Variants in XYLT2 observed in about 807,000 individuals in gnomAD.
XYLT2 encodes the protein UDP-D-xylose:proteoglycan core protein beta-D-xylosyltransferase.
In XYLT2, 37 loss-of-function variants were observed where a neutral mutation model predicts 82.6. The observed-to-expected ratio is 0.45, with a 90% CI of 0.34 to 0.59. The LOEUF (loss-of-function observed/expected upper bound fraction) is 0.59, where lower values mean the gene tolerates loss of function less well. XYLT2 is among the 20% of genes least tolerant of loss of function. The pLI, the probability that XYLT2 is intolerant of heterozygous loss-of-function variation, is 0.01. For missense variants in XYLT2, 934 were observed against 1,181.3 expected, an observed-to-expected ratio of 0.79 and a Z score of 3.07; for synonymous variants, 474 against 499.0, an observed-to-expected ratio of 0.95 and a Z score of 0.67.
rs1168890570 is a variant in XYLT2 at position 50,358,255 on chromosome 17, G to A, written c.1990G>A (p.Gly664Arg). Residue 664 changes from glycine to arginine, a missense_variant, in exon 10 of 11, where the codon GGG (glycine) becomes AGG (arginine). Transcript: ENST00000017003. ...AGAGCGTCTTTTCCGGAACTTTGGG[G>A]GGTTACTGGGGCCGCTGGACGAGCC... is the stretch of plus-strand genomic sequence containing the variant. ...PKERLFRNFGGLLGPLDEPVA... is the reference protein window; with the variant it reads ...PKERLFRNFGRLLGPLDEPVA... 1.9e-6 allele frequency: 3 copies of A among 1,612,188 alleles called. No homozygotes were observed. The highest frequency in any genetic ancestry group is 2.5e-6 in the Non-Finnish European group (3 of 1,179,088).
intron 10 of XYLT2, 35 bp from the exon 11 acceptor site, chr17:50,359,934 A>AG (rs760123014): frequency 7.2e-6 from 11 of 1,517,500 alleles, no homozygotes; most frequent in South Asian, 1.3e-5. Context: ...AGTCTGTTGC[A>AG]GGGGGTGTGC....
At chr17:50,359,722 A>G in intron 10 of XYLT2, 1 of 521,444 alleles carries the variant, frequency 1.9e-6, no homozygotes, top group Middle Eastern at 5.1e-4. Flanking sequence ...TCCCTTTTCT[A>G]AAGTGCCTTG....
chr17:50,354,149 T>C, intron 2 of XYLT2, 27 bp downstream of exon 2: 1 of 1,599,318 alleles, frequency 6.3e-7, no homozygotes, highest in Non-Finnish European at 8.5e-7. Context: ...CTCCAGCCCT[T>C]CCCAGGCGGG....
At chr17:50,357,593 T>A in intron 9 of XYLT2, 2 of 115,208 alleles carry the variant, frequency 1.7e-5, no homozygotes, top group Non-Finnish European at 3.1e-5. Context: ...CCTCATAGTC[T>A]TTTTTTTTTT....
rs1396024861 is a variant in XYLT2 at position 50,353,925 on chromosome 17, C to T, written c.431C>T (p.Thr144Ile). ...GAAGFPPHGD[T>I]GSVEGAPQPT... ...GCTGGCTTCCCACCACACGGAGATA[C>T]AGGGAGCGTGGAGGGCGCCCCCCAG... Residue 144 changes from threonine (T) to isoleucine (I), a missense_variant, in exon 2 of 11, where the codon ACA becomes ATA. By Grantham distance (89) the Thr-to-Ile change is moderately conservative. Coordinates refer to ENST00000017003, the MANE Select transcript of XYLT2 (RefSeq NM_022167.4). 3 of 1,608,366 alleles carry T rather than the reference C, an allele frequency of 1.9e-6. No individual in the cohort carries two copies. The highest frequency in any genetic ancestry group is 2.5e-6 in the Non-Finnish European group (3 of 1,179,830).
In XYLT2 at chr17:50,360,071, C is replaced by G. The variant is rs373544890; in HGVS notation, c.2378C>G (p.Ala793Gly). The G allele has an allele frequency of 6.2e-7, 1 of 1,613,958 alleles. No individual in the cohort carries two copies. Among genetic ancestry groups the G allele is most frequent in the Admixed American group, 1.7e-5 (1 of 60,030 alleles). The change falls in exon 11 of 11, where the codon GCG becomes GGG. Residue 793 changes from alanine to glycine, a missense_variant. Ala to Gly is a moderately conservative substitution (Grantham distance 60). This residue lies in a region of XYLT2 where 374 missense variants were observed against 465.6 expected (regional missense o/e 0.80). Transcript: ENST00000017003. The stretch of plus-strand genomic sequence containing the variant: ...CTGAACCTGCCTCAGCCGGAGCTCG[C>G]GGAGGAGGCTGCCCAGCGGCACACA... ...SILNLPQPEL[A>G]EEAAQRHTQL...
intron 2 of XYLT2, 34 bp downstream of exon 2, chr17:50,354,156 C>T (rs748644132): frequency 1.4e-5 from 22 of 1,598,402 alleles, no homozygotes; most frequent in South Asian, 3.3e-5. Flanking sequence ...CCTTCCCAGG[C>T]GGGGGCAGGG....
rs1407409293 is a variant in XYLT2 at position 50,356,560 on chromosome 17, A to G, written c.1532A>G (p.Asn511Ser). The part of the protein sequence containing the change: ...FFARKFESTV[N>S]QEVLEILDFH... ...GCCCGGAAGTTCGAGTCGACTGTGA[A>G]CCAGGAGGTGCTGGAAATCCTGGAC... is the stretch of plus-strand genomic sequence containing the variant. The change falls in exon 8 of 11, where the codon AAC becomes AGC. Residue 511 changes from asparagine (N) to serine (S), a missense_variant. Around this residue, in one of 3 missense-constraint regions of XYLT2, gnomAD observed 189 missense variants for 320.8 expected, o/e 0.59. Transcript: ENST00000017003. 2 of 1,613,928 alleles carry G rather than the reference A, an allele frequency of 1.2e-6. No homozygotes were observed. Among genetic ancestry groups the G allele is most frequent in the African/African-American group, 2.7e-5 (2 of 74,878 alleles).
chr17:50,354,015 C>A lies in XYLT2; in HGVS notation c.521C>A (p.Ala174Asp), dbSNP rs778890373. 6.2e-7 allele frequency: 1 copy of A among 1,607,434 alleles called. No individual in the cohort carries two copies. The highest frequency in any genetic ancestry group is 8.5e-7 in the Non-Finnish European group (1 of 1,179,924). Residue 174 changes from alanine to aspartate, a missense_variant, in exon 2 of 11, where the codon GCC becomes GAC. By Grantham distance (126) the Ala-to-Asp change is moderately radical (BLOSUM62 -2). Around this residue, in one of 3 missense-constraint regions of XYLT2, gnomAD observed 371 missense variants for 394.9 expected, o/e 0.94. Transcript: ENST00000017003. ...IVGKDALSAL[A>D]RASTKQCQQE... is the part of the protein sequence containing the mutation. The stretch of plus-strand genomic sequence containing the variant: ...GGCAAGGACGCACTGTCTGCACTGG[C>A]CCGGGCCAGCACCAAGCAGTGCCAG...
chr17:50,349,915 G>C (rs2143192624), intron 1 of XYLT2, among the ~76,000 whole-genome samples: 1 of 152,234 alleles, frequency 6.6e-6, no homozygotes, highest in South Asian at 2.1e-4. Flanking sequence ...AGGTATGGTG[G>C]CTCACGCCTG....
chr17:50,356,921 C>T, intron 8 of XYLT2, 136 bp from the exon 9 acceptor site: 1 of 1,459,096 alleles, frequency 6.9e-7, no homozygotes, highest in Non-Finnish European at 9.2e-7. Flanking sequence ...TAGAGCCAGG[C>T]ATGCAGGTGC....
At position 50,354,886 on chromosome 17, in the gene XYLT2, G is replaced by A. The variant is rs1415639809; in HGVS notation, c.837G>A (p.Glu279=). ...ACTACCTGCACCGGGAGGTGGTGGA[G>A]CTGGCCCAGGGCTATGATAACGTGC... ...RSDYLHREVV[E]LAQGYDNVRV... is the part of the protein sequence containing the mutation. The change falls in exon 4 of 11, where the codon GAG becomes GAA. Residue 279 remains glutamate, a synonymous_variant. Transcript: ENST00000017003. The A allele has an allele frequency of 1.2e-6, 2 of 1,612,998 alleles. No individual in the cohort carries two copies. Among genetic ancestry groups the A allele is most frequent in the Admixed American group, 3.3e-5 (2 of 59,832 alleles).
At position 50,353,770 on chromosome 17, in the gene XYLT2, G is replaced by C. The variant is rs754988449; in HGVS notation, c.276G>C (p.Val92=). The C allele has an allele frequency of 1.3e-6, 2 of 1,559,752 alleles. No homozygotes were observed. The highest frequency in any genetic ancestry group is 2.7e-5 in the African/African-American group (2 of 73,554). Residue 92 remains valine, a synonymous_variant, in exon 2 of 11, where the codon GTG becomes GTC. Coordinates refer to ENST00000017003, the MANE Select transcript of XYLT2 (RefSeq NM_022167.4). ...GTGCTGAGAGCCCAGGAGTGCCCGT[G>C]GCCAAGGTGGTACGGGCAGTAACCA... is the stretch of plus-strand genomic sequence containing the variant. ...RGRAESPGVP[V]AKVVRAVTSR...
chr17:50,352,927 G>A (rs1473784642), intron 1 of XYLT2, among the ~76,000 whole-genome samples: 1 of 152,094 alleles, frequency 6.6e-6, no homozygotes, highest in East Asian at 1.9e-4. Context: ...TGCTGGAGGT[G>A]GACGCTCTTC....
At chr17:50,357,837 C>T (rs1912615235) in intron 9 of XYLT2, 2 of 213,066 alleles carry the variant, frequency 9.4e-6, no homozygotes, top group Non-Finnish European at 1.9e-5. Flanking sequence ...GCCTCGGCCT[C>T]CCAGAGTGCT....
Position 50,357,179 on chromosome 17 carries a change from T to C in XYLT2, c.1868T>C (p.Met623Thr), listed in dbSNP as rs762006903. ...SAQGPAETLE[M>T]WLMPQGSLKL... is the part of the protein sequence containing the mutation. The stretch of plus-strand genomic sequence containing the variant: ...CAGGGGCCGGCAGAGACGCTTGAGA[T>C]GTGGCTGATGCCCCAAGGGTCGCTG... Residue 623 changes from methionine to threonine, a missense_variant, in exon 9 of 11, where the codon ATG becomes ACG. By Grantham distance (81) the Met-to-Thr change is moderately conservative (BLOSUM62 -1). This residue lies in a region of XYLT2 where 374 missense variants were observed against 465.6 expected (regional missense o/e 0.80). Transcript: ENST00000017003. The C allele has an allele frequency of 5.6e-6, 9 of 1,612,484 alleles. No homozygotes were observed. The Admixed American group carries it at 6.7e-5, about 12-fold the overall frequency.
At chr17:50,355,438 G>T (rs1912477568) in intron 4 of XYLT2, 63 bp from the exon 5 acceptor site, 2 of 1,558,156 alleles carry the variant, frequency 1.3e-6, no homozygotes, top group South Asian at 2.2e-5. Flanking sequence ...CAGAAGGTCC[G>T]CTCTGGGCCA....
intron 1 of XYLT2, among the ~76,000 whole-genome samples, chr17:50,347,114 A>AC (rs1414907308): frequency 6.6e-6 from 1 of 152,086 alleles, no homozygotes; most frequent in East Asian, 1.9e-4. Context: ...GGAGGCTCAG[A>AC]CACCTCAGCG....
intron 1 of XYLT2, among the ~76,000 whole-genome samples, chr17:50,351,405 G>C (rs1180120017): frequency 2.0e-5 from 3 of 152,160 alleles, no homozygotes; most frequent in African/African-American, 7.2e-5. Context: ...GGGAGGCCAG[G>C]GCAGGTGGAT....
Sources: allele counts gnomAD v4.1 joint callset (sites outside exome capture counted in the v4.1 genomes callset), GRCh38; gene constraint gnomAD v4.1.1; regional missense constraint gnomAD v4.1.1; transcripts MANE v1.5; gene names NCBI Gene and HGNC (gene_info 2026-07-23, HGNC 2026-07-21).